IFT81: variants seen among roughly 807,000 people sequenced by gnomAD.
The protein encoded by IFT81 is intraflagellar transport protein 81 homolog.
Under a neutral mutation model 102.6 loss-of-function variants are expected in IFT81, and 72 were observed. The observed-to-expected ratio is 0.70, with a 90% CI of 0.58 to 0.85. The LOEUF is 0.85. Ranked by LOEUF, IFT81 falls within the 40% of genes least tolerant of loss-of-function variation. The pLI, the probability that IFT81 is intolerant of heterozygous loss-of-function variation, is 0.00. For missense variants in IFT81, 723 were observed against 787.3 expected (o/e 0.92, Z 0.98); for synonymous variants, 237 against 242.7 (o/e 0.98, Z 0.22).
At chr12:110,213,049 A>G (rs1431465851) in intron 18 of IFT81, among the ~76,000 whole-genome samples, 2 of 152,038 alleles carry the variant, frequency 1.3e-5, no homozygotes, top group Admixed American at 1.3e-4. Context: ...ACATTTCAGT[A>G]TGTACCATAA....
chr12:110,187,036 ATCT>A (rs917763970), intron 12 of IFT81, among the ~76,000 whole-genome samples: 5 of 149,878 alleles, frequency 3.3e-5, no homozygotes, highest in Admixed American at 6.6e-5. Flanking sequence ...CAGTTGATTA[ATCT>A]TCTTCTTTTT....
chr12:110,131,014 G>A (rs1894129719), intron 4 of IFT81, among the ~76,000 whole-genome samples: 1 of 152,120 alleles, frequency 6.6e-6, no homozygotes, highest in African/African-American at 2.4e-5. Flanking sequence ...CAGGCACAGT[G>A]TCTCATGCCT....
intron 14 of IFT81, among the ~76,000 whole-genome samples, chr12:110,193,250 T>C (rs1237731439): frequency 5.3e-5 from 8 of 152,070 alleles, no homozygotes; most frequent in African/African-American, 1.9e-4. Flanking sequence ...GCAGAGGAGA[T>C]GGAGAAAAAG....
At chr12:110,149,439 G>A (rs554860550) in intron 10 of IFT81, among the ~76,000 whole-genome samples, 13 of 152,134 alleles carry the variant, frequency 8.5e-5, no homozygotes, top group Non-Finnish European at 1.8e-4. Flanking sequence ...TGCTCTTTTA[G>A]TTTAGCCATC....
rs1414691807 is a variant in IFT81, at chr12:110,124,459, C to CT, written c.-424_-423insT. ...AGAATTTGAGGTAACCTCGCCAACT[C>CT]GCGGTCGGAAGCTCCTCTGAACCCC... is the stretch of plus-strand genomic sequence containing the variant. On this transcript the variant is annotated 5_prime_UTR_variant, in exon 1 of 19. Coordinates refer to ENST00000242591, the MANE Select transcript of IFT81 (RefSeq NM_014055.4). The CT allele has an allele frequency of 3.3e-5, 5 of 152,228 alleles. No homozygotes were observed. The highest frequency in any genetic ancestry group is 1.2e-4 in the African/African-American group (5 of 41,382). The allele number at this position is 152,228 out of a possible 1,614,324, so 9.4% of individuals were successfully genotyped here. A position where few individuals can be genotyped will look rare whatever the true frequency, so the allele number is the denominator to read the frequency against.
At chr12:110,143,648 A>G in intron 9 of IFT81, 103 bp downstream of exon 9, 2 of 906,112 alleles carry the variant, frequency 2.2e-6, no homozygotes, top group South Asian at 3.7e-5. Flanking sequence ...TGACTCTTAA[A>G]TTAACCTGTG....
rs140671748 is a variant in IFT81, at chr12:110,193,676, G to A, written c.1557+970G>A. ...AAATACATTATGACACTTTCAAAGA[G>A]CAGGAATACTTAAAAATACGTAACT... On this transcript the variant is annotated intron_variant, in intron 14 of 18. Transcript: ENST00000242591. Among the ~76,000 whole-genome samples, 135 of 152,252 alleles carry A rather than the reference G, an allele frequency of 8.9e-4. 1 individual carries two copies. Among genetic ancestry groups the A allele is most frequent in the Middle Eastern group, 3.4e-3 (1 of 294 alleles).
intron 10 of IFT81, among the ~76,000 whole-genome samples, chr12:110,151,771 C>T (rs754663397): frequency 2.6e-5 from 4 of 152,122 alleles, no homozygotes; most frequent in Non-Finnish European, 5.9e-5. Flanking sequence ...ATTCCCCCAA[C>T]TGAAATTTTG....
chr12:110,134,526 A>T (rs889293062), intron 5 of IFT81, among the ~76,000 whole-genome samples: 12 of 152,228 alleles, frequency 7.9e-5, no homozygotes, highest in Admixed American at 7.9e-4. Context: ...AGCCTTAAAA[A>T]TAATTTTGAT....
chr12:110,151,312 G>T, intron 10 of IFT81, among the ~76,000 whole-genome samples: 1 of 152,072 alleles, frequency 6.6e-6, no homozygotes, highest in East Asian at 1.9e-4. Flanking sequence ...TTCACTTAGC[G>T]TAACATTTTT....
intron 10 of IFT81, among the ~76,000 whole-genome samples, chr12:110,150,605 C>T (rs1395395014): frequency 1.3e-5 from 2 of 152,064 alleles, no homozygotes; most frequent in Non-Finnish European, 2.9e-5. Flanking sequence ...TCATAATTTG[C>T]TTTTGTCCAG....
chr12:110,131,465 A>G lies in IFT81; in HGVS notation c.430-1082A>G, dbSNP rs539923534. Among the ~76,000 whole-genome samples, 7 of 151,914 alleles carry G rather than the reference A, an allele frequency of 4.6e-5. No homozygotes were observed. In the South Asian group the frequency reaches 1.0e-3, roughly 23 times the overall value. ...AGGTTCAAGCAATTCTCCTGCCTCA[A>G]GCTCCTGAGTAGCTGGGATTATAGG... On this transcript the variant is annotated intron_variant, in intron 4 of 18. Coordinates refer to ENST00000242591, the MANE Select transcript of IFT81 (RefSeq NM_014055.4).
intron 17 of IFT81, 95 bp from the exon 18 acceptor site, chr12:110,209,076 A>G: frequency 1.6e-6 from 1 of 621,408 alleles, no homozygotes; most frequent in Non-Finnish European, 2.8e-6. Flanking sequence ...TATATTGCCT[A>G]GTGTATTTTA....
At chr12:110,148,224 A>G (rs968088088) in intron 10 of IFT81, among the ~76,000 whole-genome samples, 5 of 151,938 alleles carry the variant, frequency 3.3e-5, no homozygotes, top group Admixed American at 1.3e-4. Context: ...TTGCAACCCT[A>G]TGGTGTTGTT....
chr12:110,189,170 A>G (rs1897682220), intron 12 of IFT81, among the ~76,000 whole-genome samples: 1 of 151,752 alleles, frequency 6.6e-6, no homozygotes, highest in Non-Finnish European at 1.5e-5. Context: ...TTAAAGTTTA[A>G]ATGTTGGGGT....
chr12:110,158,427 G>A (rs1291908942), intron 10 of IFT81, among the ~76,000 whole-genome samples: 1 of 151,810 alleles, frequency 6.6e-6, no homozygotes, highest in Non-Finnish European at 1.5e-5. Flanking sequence ...ATAGAAACAG[G>A]GTCTCATTAT....
In IFT81 at chr12:110,180,409, G is replaced by GTT; in HGVS notation, c.1189-6_1189-5dup. ...TTCTACTCATTAGATTACATATTGT[G>GTT]TTTTTTTTACAGTTCAAACGATATG... On this transcript the variant is annotated splice_polypyrimidine_tract_variant and intron_variant, in intron 11 of 18. Transcript: ENST00000242591. 6.5e-7 allele frequency: 1 copy of GTT among 1,544,050 alleles called. No homozygotes were observed. Among genetic ancestry groups the GTT allele is most frequent in the Non-Finnish European group, 8.9e-7 (1 of 1,126,158 alleles).
Position 110,135,440 on chromosome 12 carries a change from A to G in IFT81, c.696+3A>G, listed in dbSNP as rs1401227374. 4 of 1,543,002 alleles carry G rather than the reference A, an allele frequency of 2.6e-6. No homozygotes were observed. Among genetic ancestry groups the G allele is most frequent in the Non-Finnish European group, 3.6e-6 (4 of 1,118,942 alleles). ...AGAAACAGGAACAAAAGAATCAGGT[A>G]TCCACATAAAAGTTTATATTCTCAG... is the stretch of plus-strand genomic sequence containing the variant. On this transcript the variant is annotated splice_donor_region_variant and intron_variant, in intron 7 of 18. Transcript: ENST00000242591.
At chr12:110,193,506 C>T (rs1298455390) in intron 14 of IFT81, among the ~76,000 whole-genome samples, 2 of 152,144 alleles carry the variant, frequency 1.3e-5, no homozygotes, top group Non-Finnish European at 2.9e-5. Context: ...TAGTTCTAAC[C>T]ACTGCTTTAA....
Sources: allele counts gnomAD v4.1 joint callset (sites outside exome capture counted in the v4.1 genomes callset), GRCh38; gene constraint gnomAD v4.1.1; transcripts MANE v1.5; gene names NCBI Gene and HGNC (gene_info 2026-07-23, HGNC 2026-07-21).